The following MCF2 variants were observed in gnomAD, a reference collection of about 807,000 sequenced individuals.
MCF2 encodes the protein proto-oncogene DBL.
Under a neutral mutation model 82.5 loss-of-function variants are expected in MCF2, and 44 were observed. The observed-to-expected ratio is 0.53, with a 90% CI of 0.42 to 0.69. The LOEUF is 0.69. Ranked by LOEUF, MCF2 falls within the 30% of genes least tolerant of loss-of-function variation. The pLI, the probability that MCF2 is intolerant of heterozygous loss-of-function variation, is 0.00. For missense variants in MCF2, 623 were observed against 663.1 expected, an observed-to-expected ratio of 0.94 and a Z score of 0.66; for synonymous variants, 217 against 224.9, an observed-to-expected ratio of 0.96 and a Z score of 0.32.
At chrX:139,691,076 T>G (rs1182316065) in intron 1 of MCF2, among the ~76,000 whole-genome samples, 1 of 111,881 alleles carries the variant, frequency 8.9e-6, no homozygotes, top group Non-Finnish European at 1.9e-5. Flanking sequence ...CCCCACTTAC[T>G]CCCCTTAATC....
At chrX:139,648,288 C>T (rs1017291868) in intron 2 of MCF2, among the ~76,000 whole-genome samples, 3 of 110,645 alleles carry the variant, frequency 2.7e-5, no homozygotes, top group Non-Finnish European at 5.7e-5. Context: ...AGGAGAATCG[C>T]TTGAACCTGG....
chrX:139,671,460 G>C (rs1471419482), intron 1 of MCF2, among the ~76,000 whole-genome samples: 4 of 111,745 alleles, frequency 3.6e-5, no homozygotes, highest in Non-Finnish European at 5.6e-5. Flanking sequence ...TAACATTTAA[G>C]TCTTTAATCC....
intron 16 of MCF2, among the ~76,000 whole-genome samples, chrX:139,600,911 A>T (rs896359871): frequency 2.7e-5 from 3 of 112,018 alleles, no homozygotes; most frequent in Non-Finnish European, 3.8e-5. Flanking sequence ...TGCAGGGAGA[A>T]GAAAGCCATT....
At chrX:139,629,918 A>G (rs1219505294) in intron 3 of MCF2, 74 bp from the exon 7 acceptor site, 7 of 857,301 alleles carry the variant, frequency 8.2e-6, no homozygotes, top group African/African-American at 6.1e-5. Flanking sequence ...CAGTAAGTGT[A>G]TTTGTTTTTA....
At chrX:139,671,402 G>T (rs1262303112) in intron 1 of MCF2, among the ~76,000 whole-genome samples, 2 of 111,637 alleles carry the variant, frequency 1.8e-5, no homozygotes, top group African/African-American at 6.5e-5. Flanking sequence ...CCTATGTCCT[G>T]AATGGTATTG....
chrX:139,627,580 G>A (rs762159360), intron 4 of MCF2, among the ~76,000 whole-genome samples: 1 of 111,751 alleles, frequency 8.9e-6, no homozygotes, highest in African/African-American at 3.3e-5. Context: ...AAGTTTTGGT[G>A]TACATTTATT....
Position 139,671,584 on chromosome X carries a change from T to G in MCF2, c.-44-19796A>C, listed in dbSNP as rs190027221. Among the ~76,000 whole-genome samples, 914 of 111,921 alleles carry G rather than the reference T, an allele frequency of 8.2e-3. 7 individuals are homozygous for G. The highest frequency in any genetic ancestry group is 0.027 in the African/African-American group (834 of 30,789). The stretch of plus-strand genomic sequence containing the variant: ...ATTAAATAGGGAATCCTTTCCCCAT[T>G]TCTTGTTTTTGTCAGGTTTGTCAAA... On this transcript the variant is annotated intron_variant, in intron 1 of 27. Transcript: ENST00000414978.
intron 1 of MCF2, among the ~76,000 whole-genome samples, chrX:139,694,364 AT>A (rs1187098685): frequency 1.8e-5 from 2 of 110,256 alleles, no homozygotes; most frequent in Non-Finnish European, 3.8e-5. Context: ...AACCAAAAAA[AT>A]AATATCCTTC....
At chrX:139,698,720 C>T (rs941519377) in intron 1 of MCF2, among the ~76,000 whole-genome samples, 1 of 111,470 alleles carries the variant, frequency 9.0e-6, no homozygotes, top group Non-Finnish European at 1.9e-5. Context: ...TCTTAGGCAA[C>T]GATGACCAAT....
intron 1 of MCF2, among the ~76,000 whole-genome samples, chrX:139,636,344 T>C (rs758758915): frequency 1.4e-4 from 16 of 112,118 alleles, no homozygotes; most frequent in Non-Finnish European, 3.0e-4. Flanking sequence ...TTTTCACTTT[T>C]AAATGAAATT....
rs1929101623 is a variant in MCF2 at position 139,587,728 on chromosome X, TGAAGA to T, written c.2505_2509del (p.Leu836AlafsTer3). On this transcript the variant is annotated frameshift_variant, in exon 22 of 25. Coordinates refer to ENST00000370576, the Ensembl canonical transcript of MCF2. LOFTEE classifies it high-confidence loss of function. ...AATAATCACTTACTCATCATTCTGC[TGAAGA>T]GAAATCTGAAACTTATCCCGTTCTG... 4.2e-6 allele frequency: 5 copies of T among 1,185,381 alleles called. No homozygotes were observed.
intron 1 of MCF2, among the ~76,000 whole-genome samples, chrX:139,658,648 C>G (rs1432785442): frequency 9.6e-6 from 1 of 104,312 alleles, no homozygotes; most frequent in Non-Finnish European, 1.9e-5. Flanking sequence ...AGAGTGAAGC[C>G]TCTGCTAAAA....
intron 1 of MCF2, among the ~76,000 whole-genome samples, chrX:139,686,819 A>C (rs1935136066): frequency 9.0e-6 from 1 of 111,562 alleles, no homozygotes; most frequent in African/African-American, 3.3e-5. Flanking sequence ...ATTAATGCTA[A>C]TAGCCTCTTA....
At chrX:139,674,689 T>C (rs749666319) in intron 1 of MCF2, among the ~76,000 whole-genome samples, 30 of 112,189 alleles carry the variant, frequency 2.7e-4, no homozygotes, top group Non-Finnish European at 5.1e-4. Context: ...TGCCGAGAGA[T>C]CTGCTATTAC....
intron 1 of MCF2, among the ~76,000 whole-genome samples, chrX:139,703,131 C>G (rs1229470578): frequency 8.9e-6 from 1 of 111,908 alleles, no homozygotes; most frequent in Non-Finnish European, 1.9e-5. Context: ...TCCTTCTCTT[C>G]CCTGCTCTTC....
chrX:139,649,435 T>C (rs1425594962), intron 2 of MCF2, among the ~76,000 whole-genome samples: 1 of 111,744 alleles, frequency 8.9e-6, no homozygotes, highest in Non-Finnish European at 1.9e-5. Flanking sequence ...TGATATGTAA[T>C]ATATAATGTA....
At chrX:139,605,658 T>C in intron 13 of MCF2, 55 bp downstream of exon 17, 1 of 1,035,836 alleles carries the variant, frequency 9.7e-7, no homozygotes, top group African/African-American at 1.9e-5. Context: ...TTCTAATGAA[T>C]GTAGCAAGGG....
chrX:139,622,665 G>C (rs1444192995), intron 6 of MCF2, among the ~76,000 whole-genome samples: 2 of 108,990 alleles, frequency 1.8e-5, no homozygotes, highest in African/African-American at 3.3e-5. Flanking sequence ...CTCACTCATA[G>C]GTGGGAATTG....
At chrX:139,588,239 C>A (rs1929157282) in intron 21 of MCF2, 121 bp downstream of exon 25, 1 of 460,044 alleles carries the variant, frequency 2.2e-6, no homozygotes, top group African/African-American at 2.4e-5. Context: ...ATTAACAAAT[C>A]TTCTCATTGT....
Sources: gnomAD v4.1 joint callset for allele counts (sites outside exome capture counted in the v4.1 genomes callset) on GRCh38, gnomAD v4.1.1 for gene constraint, MANE v1.5 for transcripts, NCBI Gene and HGNC (gene_info 2026-07-23, HGNC 2026-07-21) for gene names.